Variants in KDM3B observed in about 807,000 individuals in gnomAD.
The protein encoded by KDM3B is lysine demethylase 3B, also known as lysine-specific demethylase 3B.
KDM3B carries 10 observed loss-of-function variants against 170.0 expected under a neutral mutation model. The observed-to-expected ratio is 0.06, with a 90% CI of 0.04 to 0.10. The LOEUF (loss-of-function observed/expected upper bound fraction) is 0.10, where lower values mean the gene tolerates loss of function less well. Ranked by LOEUF, KDM3B falls within the 10% of genes least tolerant of loss-of-function variation. KDM3B has a pLI of 1.00. For synonymous variants in KDM3B, 831 were observed against 834.8 expected (o/e 1.00, Z 0.08); for missense variants, 1,394 against 2,195.2 (o/e 0.64, Z 7.29).
rs1308602954 is a variant in KDM3B at position 138,377,794 on chromosome 5, T to C, written c.549T>C (p.Ser183=). The C allele has an allele frequency of 3.1e-6, 5 of 1,613,914 alleles. No individual in the cohort carries two copies. Among genetic ancestry groups the C allele is most frequent in the East Asian group, 2.2e-5 (1 of 44,858 alleles). ...GAGAAACAGTTAATGCTTTGATCAG[T>C]GACCAAAAGCTACAAGAGATATTCA... The part of the protein sequence containing the change: ...ALRETVNALI[S]DQKLQEIFSR... The change falls in exon 4 of 24, where the codon AGT becomes AGC. Residue 183 remains serine, a synonymous_variant. Coordinates refer to ENST00000314358, the MANE Select transcript of KDM3B (RefSeq NM_016604.4).
rs1330090237 is a variant in KDM3B, at chr5:138,392,237, C to T, written c.2605C>T (p.Arg869Trp). The T allele has an allele frequency of 6.0e-6, 9 of 1,496,262 alleles. No homozygotes were observed. Among genetic ancestry groups the T allele is most frequent in the East Asian group, 2.3e-5 (1 of 43,568 alleles). The allele number at this position is 1,496,262 out of a possible 1,614,324, so 92.7% of individuals were successfully genotyped here. The change falls in exon 8 of 24, where the codon CGG (arginine) becomes TGG (tryptophan). Residue 869 changes from arginine (R) to tryptophan (W), a missense_variant. Around this residue, in one of 19 missense-constraint regions of KDM3B, gnomAD observed 84 missense variants for 135.8 expected, o/e 0.62. Transcript: ENST00000314358. ...KSKGKQAPKG[R>W]PRTAPLKVGQ... ...CAAAGGGAAGCAGGCCCCCAAGGGC[C>T]GGCCTCGGACTGCCCCCCTGAAAGG...
In KDM3B at chr5:138,418,933, G is replaced by C. The variant is rs755281624; in HGVS notation, c.3436-20G>C. ...TACCCAAGCACAGCACTCTAATTAT[G>C]TTGGCCTTCTGCATTTTAGCTTCCT... On this transcript the variant is annotated intron_variant, in intron 13 of 23. Coordinates refer to ENST00000314358, the MANE Select transcript of KDM3B (RefSeq NM_016604.4). The C allele has an allele frequency of 6.2e-7, 1 of 1,609,978 alleles. No individual in the cohort carries two copies. Among genetic ancestry groups the C allele is most frequent in the Admixed American group, 1.7e-5 (1 of 59,822 alleles).
rs1193216236 is a variant in KDM3B, at chr5:138,392,222, C to G, written c.2590C>G (p.Gln864Glu). ...ELLLGKSKGKQAPKGRPRTAP... is the reference protein window; with the variant it reads ...ELLLGKSKGKEAPKGRPRTAP... ...GTTGCTGGGCAAAAGCAAAGGGAAG[C>G]AGGCCCCCAAGGGCCGGCCTCGGAC... The change falls in exon 8 of 24, where the codon CAG becomes GAG. Residue 864 changes from glutamine to glutamate, a missense_variant. Physicochemically the swap from Gln to Glu is conservative, Grantham distance 29 (BLOSUM62 2). This residue lies in a region of KDM3B where 84 missense variants were observed against 135.8 expected (regional missense o/e 0.62). Transcript: ENST00000314358. 1.4e-5 allele frequency: 21 copies of G among 1,505,754 alleles called. No individual in the cohort carries two copies. The highest frequency in any genetic ancestry group is 2.0e-4 in the Middle Eastern group (1 of 5,078). The allele number at this position is 1,505,754 out of a possible 1,614,324, so 93.3% of individuals were successfully genotyped here.
At chr5:138,430,724 C>T (rs1010096804) in intron 22 of KDM3B, among the ~76,000 whole-genome samples, 2 of 152,128 alleles carry the variant, frequency 1.3e-5, no homozygotes, top group Non-Finnish European at 2.9e-5. Flanking sequence ...AACCCCATCT[C>T]TACTAAAAAT....
In KDM3B at chr5:138,420,876, C is replaced by T; in HGVS notation, c.3886C>T (p.Leu1296Phe). 1 of 1,614,132 alleles carries T rather than the reference C, an allele frequency of 6.2e-7. No homozygotes were observed. Among genetic ancestry groups the T allele is most frequent in the Non-Finnish European group, 8.5e-7 (1 of 1,179,992 alleles). Residue 1296 changes from leucine (L) to phenylalanine (F), a missense_variant, in exon 15 of 24, where the codon CTC (leucine) becomes TTC (phenylalanine). Physicochemically the swap from Leu to Phe is conservative, Grantham distance 22. Around this residue, in one of 19 missense-constraint regions of KDM3B, gnomAD observed 137 missense variants for 166.9 expected, o/e 0.82. Coordinates refer to ENST00000314358, the MANE Select transcript of KDM3B (RefSeq NM_016604.4). Reference protein sequence around the residue: ...NKTEGSSLRDLLHSGPGKLPQ... With the variant: ...NKTEGSSLRDFLHSGPGKLPQ... ...AACCGAAGGGTCTAGCCTTCGAGAC[C>T]TCCTTCACTCCGGGCCGGGAAAACT...
intron 15 of KDM3B, among the ~76,000 whole-genome samples, chr5:138,422,608 C>A (rs957713685): frequency 2.0e-5 from 3 of 152,084 alleles, no homozygotes; most frequent in Admixed American, 2.0e-4. Context: ...CCACCGCACT[C>A]CAGCCTGGGT....
At chr5:138,376,258 G>A (rs937598149) in intron 3 of KDM3B, among the ~76,000 whole-genome samples, 52 of 152,070 alleles carry the variant, frequency 3.4e-4, no homozygotes, top group African/African-American at 1.2e-3. Context: ...GATTACAGGC[G>A]TGAGCCACCA....
chr5:138,366,096 C>T (rs914384487), intron 1 of KDM3B, among the ~76,000 whole-genome samples: 1 of 151,162 alleles, frequency 6.6e-6, no homozygotes, highest in African/African-American at 2.4e-5. Flanking sequence ...CTCACAATCC[C>T]CTCCCCTCAA....
intron 1 of KDM3B, among the ~76,000 whole-genome samples, chr5:138,355,879 C>G (rs931008546): frequency 6.6e-6 from 1 of 152,228 alleles, no homozygotes; most frequent in African/African-American, 2.4e-5. Flanking sequence ...GAAAAACCAG[C>G]AATCTCTTTG....
rs1248842746 is a variant in KDM3B at position 138,358,203 on chromosome 5, G to A, written c.192+5216G>A. Reference sequence around the variant, plus strand: ...TCACCATGTTGGCCAGGCTGATCTCGAACTCCTGACCTTAGGTGATCTGCC... The same window carrying A: ...TCACCATGTTGGCCAGGCTGATCTCAAACTCCTGACCTTAGGTGATCTGCC... On this transcript the variant is annotated intron_variant, in intron 1 of 23. Transcript: ENST00000314358. Among the ~76,000 whole-genome samples, 7 of 151,618 alleles carry A rather than the reference G, an allele frequency of 4.6e-5. No individual in the cohort carries two copies. The South Asian group carries it at 1.5e-3, about 32-fold the overall frequency.
chr5:138,407,834 G>A (rs1207049263), intron 11 of KDM3B, among the ~76,000 whole-genome samples: 1 of 152,034 alleles, frequency 6.6e-6, no homozygotes, highest in African/African-American at 2.4e-5. Context: ...AAGAGTCCTC[G>A]TCCAACAGCC....
chr5:138,427,516 A>G (rs1763427751), intron 19 of KDM3B, among the ~76,000 whole-genome samples, 197 bp downstream of exon 19: 1 of 152,210 alleles, frequency 6.6e-6, no homozygotes, highest in South Asian at 2.1e-4. Context: ...GGCCCAGACC[A>G]TAAGCTTACA....
At chr5:138,378,268 G>C (rs955834306) in intron 4 of KDM3B, among the ~76,000 whole-genome samples, 3 of 152,178 alleles carry the variant, frequency 2.0e-5, no homozygotes, top group Non-Finnish European at 4.4e-5. Flanking sequence ...ACTAGACAGT[G>C]TTAAGGCATT....
intron 1 of KDM3B, among the ~76,000 whole-genome samples, chr5:138,363,548 A>AT (rs1018246350): frequency 2.6e-5 from 4 of 151,564 alleles, no homozygotes; most frequent in Non-Finnish European, 4.4e-5. Flanking sequence ...TATTCTAATA[A>AT]TTTTTTTTTC....
At position 138,374,749 on chromosome 5, in the gene KDM3B, A is replaced by G. The variant is rs112015636; in HGVS notation, c.361-344A>G. ...CAAAGATTTCAAGAGTTCTGAGATG[A>G]TAACAGTATAACTCTTTATTCTGGG... On this transcript the variant is annotated intron_variant, in intron 2 of 23. Transcript: ENST00000314358. Among the ~76,000 whole-genome samples, 149 of 152,354 alleles carry G rather than the reference A, an allele frequency of 9.8e-4. 1 individual carries two copies. The highest frequency in any genetic ancestry group is 1.7e-3 in the Non-Finnish European group (114 of 68,038).
In KDM3B at chr5:138,425,452, G is replaced by T. The variant is rs562034062; in HGVS notation, c.4281G>T (p.Glu1427Asp). 2 of 1,614,154 alleles carry T rather than the reference G, an allele frequency of 1.2e-6. No homozygotes were observed. Among genetic ancestry groups the T allele is most frequent in the South Asian group, 2.2e-5 (2 of 91,084 alleles). The change falls in exon 17 of 24, where the codon GAG (glutamate) becomes GAT (aspartate). Residue 1427 changes from glutamate (E) to aspartate (D), a missense_variant. Coordinates refer to ENST00000314358, the MANE Select transcript of KDM3B (RefSeq NM_016604.4). ...GGGTACATAAAAAGCTCAAGTCTGAGCTCTGGAAGCCAGAAGCCTTTAGCC... is the reference window on the plus strand; with the variant it reads ...GGGTACATAAAAAGCTCAAGTCTGATCTCTGGAAGCCAGAAGCCTTTAGCC... ...VSGVHKKLKS[E>D]LWKPEAFSQE...
chr5:138,399,792 A>G, intron 10 of KDM3B, 68 bp from the exon 11 acceptor site: 1 of 1,444,106 alleles, frequency 6.9e-7, no homozygotes, highest in South Asian at 1.3e-5. Flanking sequence ...AGTAGGGATC[A>G]GTGGGTCTGG....
At chr5:138,384,240 C>T (rs771792208) in intron 6 of KDM3B, among the ~76,000 whole-genome samples, 2 of 140,696 alleles carry the variant, frequency 1.4e-5, no homozygotes, top group Admixed American at 7.2e-5. Context: ...AGCAAGACTC[C>T]GACTTAAAAA....
chr5:138,386,707 C>G (rs1323506935), intron 7 of KDM3B, 86 bp downstream of exon 7: 2 of 1,500,084 alleles, frequency 1.3e-6, no homozygotes, highest in Non-Finnish European at 1.8e-6. Context: ...CATTCAAGTG[C>G]CCCAGGGAAG....
Sources: allele counts gnomAD v4.1 joint callset (sites outside exome capture counted in the v4.1 genomes callset), GRCh38; gene constraint gnomAD v4.1.1; regional missense constraint gnomAD v4.1.1; transcripts MANE v1.5; gene names NCBI Gene and HGNC (gene_info 2026-07-23, HGNC 2026-07-21).